MSRA: variants seen among roughly 807,000 people sequenced by gnomAD.
The protein encoded by MSRA is mitochondrial peptide methionine sulfoxide reductase.
In MSRA, 54 loss-of-function variants were observed where a neutral mutation model predicts 31.3. The observed-to-expected ratio is 1.73, with a 90% CI of 1.39 to 2.17. The LOEUF is 2.17. Among genes scored for constraint, MSRA ranks in the 30% most tolerant of loss-of-function variants. MSRA has a pLI of 0.00. For missense variants in MSRA, 507 were observed against 300.9 expected (o/e 1.69, Z -5.07); for synonymous variants, 169 against 116.5 (o/e 1.45, Z -2.90).
chr8:10,213,270 T>C (rs544256455), intron 2 of MSRA, among the ~76,000 whole-genome samples: 1 of 152,150 alleles, frequency 6.6e-6, no homozygotes, highest in East Asian at 1.9e-4. Context: ...GATTTTTAGA[T>C]CCCACAAATA....
At chr8:10,077,720 C>T (rs1368654051) in intron 1 of MSRA, among the ~76,000 whole-genome samples, 2 of 152,080 alleles carry the variant, frequency 1.3e-5, no homozygotes, top group Middle Eastern at 3.2e-3. Flanking sequence ...CTTCTGACAA[C>T]TCATCTATTA....
At chr8:10,259,209 A>G (rs180737040) in intron 3 of MSRA, among the ~76,000 whole-genome samples, 10 of 152,298 alleles carry the variant, frequency 6.6e-5, no homozygotes, top group African/African-American at 1.7e-4. Flanking sequence ...ACTTAGATCT[A>G]TGGCCACTCT....
At chr8:10,412,437 A>G (rs1808213992) in intron 5 of MSRA, among the ~76,000 whole-genome samples, 1 of 152,230 alleles carries the variant, frequency 6.6e-6, no homozygotes, top group Admixed American at 6.5e-5. Flanking sequence ...ATGAATGTGG[A>G]CCTGCAGAGA....
rs114430282 is a variant in MSRA at position 10,264,888 on chromosome 8, G to A, written c.331+19665G>A. Among the ~76,000 whole-genome samples, 446 of 152,252 alleles carry A rather than the reference G, an allele frequency of 2.9e-3. 3 individuals carry two copies. The highest frequency in any genetic ancestry group is 0.01 in the African/African-American group (422 of 41,542). ...AAGCAAGGGCCAAATCGCAGGGTGG[G>A]GGTCAGGTTGGCCTAGAGCCCTCTA... is the stretch of plus-strand genomic sequence containing the variant. On this transcript the variant is annotated intron_variant, in intron 3 of 5. Coordinates refer to ENST00000317173, the MANE Select transcript of MSRA (RefSeq NM_012331.5).
chr8:10,057,916 C>T (rs1802486632), intron 1 of MSRA, among the ~76,000 whole-genome samples: 1 of 152,200 alleles, frequency 6.6e-6, no homozygotes, highest in Non-Finnish European at 1.5e-5. Context: ...CAGACTAACA[C>T]AAAGGCCGTC....
At chr8:10,116,317 GTTC>G (rs1312982608) in intron 1 of MSRA, among the ~76,000 whole-genome samples, 2 of 152,318 alleles carry the variant, frequency 1.3e-5, no homozygotes, top group African/African-American at 4.8e-5. Context: ...GCCCAAGGCA[GTTC>G]TTCTTCCAAT....
intron 1 of MSRA, among the ~76,000 whole-genome samples, chr8:10,156,457 G>C (rs1390300057): frequency 6.6e-6 from 1 of 152,168 alleles, no homozygotes; most frequent in Non-Finnish European, 1.5e-5. Flanking sequence ...GTGTATGAGA[G>C]AGAGGGGATT....
At chr8:10,320,030 A>T (rs765792926) in intron 5 of MSRA, 41 bp downstream of exon 5, 1 of 1,350,452 alleles carries the variant, frequency 7.4e-7, no homozygotes, top group South Asian at 1.3e-5. Context: ...TTAGGCCACC[A>T]TGACTAGGGC....
chr8:10,054,468 C>T lies in MSRA; in HGVS notation c.-49C>T, dbSNP rs1802169977. The T allele has an allele frequency of 1.3e-6, 2 of 1,530,554 alleles. No individual in the cohort carries two copies. The highest frequency in any genetic ancestry group is 1.8e-6 in the Non-Finnish European group (2 of 1,138,168). The allele number at this position is 1,530,554 out of a possible 1,614,324, so 94.8% of individuals were successfully genotyped here. ...CTCTGCCGTTCCGGCTGCGGCTCCGCTGCCGGTAGCGCCGTCCCCCGGGAC... is the reference window on the plus strand; with the variant it reads ...CTCTGCCGTTCCGGCTGCGGCTCCGTTGCCGGTAGCGCCGTCCCCCGGGAC... On this transcript the variant is annotated 5_prime_UTR_variant, in exon 1 of 6. Coordinates refer to ENST00000317173, the MANE Select transcript of MSRA (RefSeq NM_012331.5).
chr8:10,072,602 T>TATAAACATCCAA (rs1393707341), intron 1 of MSRA, among the ~76,000 whole-genome samples: 1 of 152,192 alleles, frequency 6.6e-6, no homozygotes, highest in African/African-American at 2.4e-5. Context: ...TCCCACTCCA[T>TATAAACATCCAA]ATAAACATCC....
At chr8:10,392,883 A>G (rs569352325) in intron 5 of MSRA, among the ~76,000 whole-genome samples, 3 of 78,578 alleles carry the variant, frequency 3.8e-5, no homozygotes, top group South Asian at 1.1e-3. Flanking sequence ...CGTCTCTACT[A>G]AAAATGCAAA....
At chr8:10,155,901 C>T (rs1280609922) in intron 1 of MSRA, among the ~76,000 whole-genome samples, 2 of 152,122 alleles carry the variant, frequency 1.3e-5, no homozygotes, top group African/African-American at 4.8e-5. Context: ...ATGTAATCAA[C>T]TGATTCAGGA....
At chr8:10,307,168 CA>C (rs1353261613) in intron 4 of MSRA, among the ~76,000 whole-genome samples, 30 of 65,128 alleles carry the variant, frequency 4.6e-4, no homozygotes, top group Admixed American at 1.2e-3. Flanking sequence ...TAAGGATGCA[CA>C]TTTTTTTTTT....
intron 4 of MSRA, among the ~76,000 whole-genome samples, chr8:10,305,658 C>T (rs1585418458): frequency 6.6e-6 from 1 of 152,172 alleles, no homozygotes; most frequent in African/African-American, 2.4e-5. Context: ...ATGATTCGCC[C>T]ACCTCGGCCT....
At chr8:10,187,619 A>G (rs1021846132) in intron 1 of MSRA, among the ~76,000 whole-genome samples, 6 of 152,238 alleles carry the variant, frequency 3.9e-5, no homozygotes, top group Admixed American at 3.3e-4. Flanking sequence ...CACTGTAATG[A>G]CAAGGCATGA....
At chr8:10,258,432 C>T (rs1260054144) in intron 3 of MSRA, among the ~76,000 whole-genome samples, 1 of 152,180 alleles carries the variant, frequency 6.6e-6, no homozygotes, top group African/African-American at 2.4e-5. Flanking sequence ...GTGAGATTTT[C>T]CTTGAGGGTA....
At chr8:10,363,831 C>T (rs1805004920) in intron 5 of MSRA, among the ~76,000 whole-genome samples, 2 of 150,170 alleles carry the variant, frequency 1.3e-5, no homozygotes, top group Non-Finnish European at 3.0e-5. Flanking sequence ...ACTCAGGAGG[C>T]TGAGGTGGGA....
chr8:10,064,283 G>A (rs1035557899), intron 1 of MSRA, among the ~76,000 whole-genome samples: 4 of 152,124 alleles, frequency 2.6e-5, no homozygotes, highest in Admixed American at 1.3e-4. Flanking sequence ...CCAGAGACCT[G>A]CGTGTCCTCT....
At chr8:10,377,296 G>T (rs867463249) in intron 5 of MSRA, among the ~76,000 whole-genome samples, 1 of 152,280 alleles carries the variant, frequency 6.6e-6, no homozygotes, top group African/African-American at 2.4e-5. Context: ...GTGGCCTGAA[G>T]CCCCTTTAAG....
Sources: allele counts gnomAD v4.1 joint callset (sites outside exome capture counted in the v4.1 genomes callset), GRCh38; gene constraint gnomAD v4.1.1; transcripts MANE v1.5; gene names NCBI Gene and HGNC (gene_info 2026-07-23, HGNC 2026-07-21).